INPP5A: variants seen among roughly 807,000 people sequenced by gnomAD.
The protein encoded by INPP5A is inositol polyphosphate-5-phosphatase A.
INPP5A carries 14 observed loss-of-function variants against 65.2 expected under a neutral mutation model. The ratio of observed to expected loss-of-function variants is 0.21; its 90% CI spans 0.14 to 0.34. INPP5A has a LOEUF of 0.34. Among genes scored for constraint, INPP5A ranks in the 10% least tolerant of loss-of-function variants. The pLI is 1.00. For synonymous variants in INPP5A, 207 were observed against 208.3 expected, an observed-to-expected ratio of 0.99 and a Z score of 0.05; for missense variants, 431 against 545.6, an observed-to-expected ratio of 0.79 and a Z score of 2.09.
chr10:132,669,937 G>A (rs1476140044), intron 4 of INPP5A, among the ~76,000 whole-genome samples: 1 of 151,642 alleles, frequency 6.6e-6, no homozygotes, highest in East Asian at 1.9e-4. Flanking sequence ...GCCCTCTCAG[G>A]TCTTTCTTTT....
chr10:132,609,949 C>T (rs2071919904), intron 2 of INPP5A, among the ~76,000 whole-genome samples: 1 of 152,192 alleles, frequency 6.6e-6, no homozygotes, highest in East Asian at 1.9e-4. Context: ...GCCTGTCTGC[C>T]GCTTTTTTCT....
chr10:132,563,120 G>T (rs2133272230), intron 1 of INPP5A, among the ~76,000 whole-genome samples: 1 of 152,350 alleles, frequency 6.6e-6, no homozygotes, highest in East Asian at 1.9e-4. Context: ...GGGAGGGGCT[G>T]GGAGAGACTG....
intron 2 of INPP5A, among the ~76,000 whole-genome samples, chr10:132,609,654 T>G (rs112921622): frequency 0.012 from 1,853 of 152,174 alleles, 26 homozygotes; most frequent in Non-Finnish European, 0.021. Context: ...TGTTGTTGTT[T>G]TTGTTTTTGA....
intron 4 of INPP5A, among the ~76,000 whole-genome samples, chr10:132,680,043 C>T (rs1468602945): frequency 2.6e-5 from 4 of 152,062 alleles, no homozygotes; most frequent in Non-Finnish European, 5.9e-5. Context: ...TTGGATTTGG[C>T]GATGATTTCT....
intron 1 of INPP5A, among the ~76,000 whole-genome samples, chr10:132,544,727 C>T (rs2070948234): frequency 6.6e-6 from 1 of 152,078 alleles, no homozygotes; most frequent in African/African-American, 2.4e-5. Flanking sequence ...CTCCGTTTGC[C>T]AGCTCTGCAT....
chr10:132,554,705 G>C (rs1359912988), intron 1 of INPP5A, among the ~76,000 whole-genome samples: 3 of 151,072 alleles, frequency 2.0e-5, no homozygotes, highest in African/African-American at 7.3e-5. Flanking sequence ...GCTGTGGTTG[G>C]TGTGATCAAT....
chr10:132,566,021 G>A (rs1015294504), intron 1 of INPP5A, among the ~76,000 whole-genome samples: 9 of 152,082 alleles, frequency 5.9e-5, no homozygotes, highest in African/African-American at 1.9e-4. Flanking sequence ...TCGGGGAGGC[G>A]TTGTAGCCTC....
intron 8 of INPP5A, among the ~76,000 whole-genome samples, chr10:132,722,951 G>A (rs1329853280): frequency 6.6e-6 from 1 of 152,136 alleles, no homozygotes; most frequent in Non-Finnish European, 1.5e-5. Flanking sequence ...AATTGAAAGT[G>A]AGCTCTGGGA....
intron 3 of INPP5A, among the ~76,000 whole-genome samples, chr10:132,649,688 A>G (rs1162652079): frequency 9.9e-5 from 15 of 152,066 alleles, no homozygotes; most frequent in African/African-American, 3.1e-4. Context: ...GGCTTGAATA[A>G]GCATGCGTGG....
At chr10:132,735,710 A>T (rs1169598358) in intron 9 of INPP5A, among the ~76,000 whole-genome samples, 3 of 152,176 alleles carry the variant, frequency 2.0e-5, no homozygotes, top group Admixed American at 2.0e-4. Flanking sequence ...GACTCATCAG[A>T]GGTTAATTAA....
chr10:132,681,137 A>G (rs1180678126), intron 4 of INPP5A, among the ~76,000 whole-genome samples: 2 of 152,362 alleles, frequency 1.3e-5, no homozygotes, highest in East Asian at 1.9e-4. Flanking sequence ...GGGGACGTGC[A>G]GAACCTTTGT....
intron 1 of INPP5A, among the ~76,000 whole-genome samples, chr10:132,593,236 C>T (rs535800544): frequency 3.7e-4 from 57 of 152,250 alleles, no homozygotes; most frequent in African/African-American, 1.3e-3. Flanking sequence ...TATGCATGGG[C>T]GCGCCGTCTT....
At chr10:132,657,922 C>T (rs1031083434) in intron 4 of INPP5A, among the ~76,000 whole-genome samples, 7 of 152,234 alleles carry the variant, frequency 4.6e-5, no homozygotes, top group Non-Finnish European at 1.0e-4. Context: ...CCCTAAATCA[C>T]GGGCTGTCTC....
rs1156328632 is a variant in INPP5A at position 132,676,113 on chromosome 10, C to G, written c.307-14279C>G. Among the ~76,000 whole-genome samples the G allele has an allele frequency of 1.3e-5, 2 of 152,146 alleles. No homozygotes were observed. The highest frequency in any genetic ancestry group is 2.9e-5 in the Non-Finnish European group (2 of 68,016). On this transcript the variant is annotated intron_variant, in intron 4 of 15. Coordinates refer to ENST00000368594, the MANE Select transcript of INPP5A (RefSeq NM_005539.5). The surrounding 1 kb of genome is among the most constrained non-coding windows in gnomAD (Gnocchi z 4.0). ...AATATAACAAATTTCATAATTAAAA[C>G]TAGTTATTTTAAGACTGATATTTTT...
intron 1 of INPP5A, among the ~76,000 whole-genome samples, chr10:132,589,733 A>G (rs2071593444): frequency 6.6e-6 from 1 of 152,234 alleles, no homozygotes; most frequent in Admixed American, 6.5e-5. Context: ...GTGTTGTCTC[A>G]TGGCCTTCAG....
intron 2 of INPP5A, among the ~76,000 whole-genome samples, chr10:132,613,591 A>G (rs2071988711): frequency 6.6e-6 from 1 of 152,260 alleles, no homozygotes; most frequent in Non-Finnish European, 1.5e-5. Flanking sequence ...AGTGACACTT[A>G]GAACAGAGAA....
Position 132,704,309 on chromosome 10 carries a change from C to T in INPP5A, c.475-4004C>T, listed in dbSNP as rs184982741. ...TACTGTAGATTTGTCACCAGTCACA[C>T]GTCCAGCCTTCTCCCATGACAGCCC... On this transcript the variant is annotated intron_variant, in intron 6 of 15. Transcript: ENST00000368594. The surrounding 1 kb of genome is among the most constrained non-coding windows in gnomAD (Gnocchi z 4.5). Among the ~76,000 whole-genome samples, 2 of 152,336 alleles carry T rather than the reference C, an allele frequency of 1.3e-5. No homozygotes were observed. The highest frequency in any genetic ancestry group is 2.4e-5 in the African/African-American group (1 of 41,584).
chr10:132,686,244 CCTCCGGGGGCTGGAGGA>C, intron 4 of INPP5A, among the ~76,000 whole-genome samples: 1 of 152,354 alleles, frequency 6.6e-6, no homozygotes, highest in Middle Eastern at 3.4e-3. Flanking sequence ...TGTGCCGTGG[CCTCCGGGGGCTGGAGGA>C]CTCCTGCCCG....
intron 7 of INPP5A, chr10:132,708,591 A>G (rs544540273): frequency 1.2e-4 from 79 of 667,182 alleles, no homozygotes; most frequent in African/African-American, 5.2e-4. Context: ...CCCAGTGCCA[A>G]TGGAGACACA....
Sources: allele counts gnomAD v4.1 joint callset (sites outside exome capture counted in the v4.1 genomes callset), GRCh38; gene constraint gnomAD v4.1.1; non-coding constraint Gnocchi (gnomAD v3.1); transcripts MANE v1.5; gene names NCBI Gene and HGNC (gene_info 2026-07-23, HGNC 2026-07-21).